The following HLTF variants were observed in gnomAD, a reference collection of about 807,000 sequenced individuals.
HLTF encodes the protein helicase like transcription factor.
A neutral mutation model predicts 129.4 loss-of-function variants in HLTF; 127 were observed. The observed-to-expected ratio is 0.98, with a 90% CI of 0.85 to 1.14. The LOEUF (loss-of-function observed/expected upper bound fraction) is 1.14, where lower values mean the gene tolerates loss of function less well. Ranked by LOEUF, HLTF falls within the 50% of genes most tolerant of loss-of-function variation. HLTF has a pLI of 0.00. For missense variants in HLTF, 1,139 were observed against 1,187.1 expected (o/e 0.96, Z 0.60); for synonymous variants, 332 against 388.8 (o/e 0.85, Z 1.72).
intron 2 of HLTF, among the ~76,000 whole-genome samples, chr3:149,082,941 C>T (rs1318771487): frequency 1.3e-5 from 2 of 152,130 alleles, no homozygotes; most frequent in Non-Finnish European, 2.9e-5. Context: ...GATTTAATGC[C>T]TTTTTAGCCA....
At chr3:149,041,420 TC>T in intron 20 of HLTF, 69 bp downstream of exon 20, 1 of 981,384 alleles carries the variant, frequency 1.0e-6, no homozygotes, top group Non-Finnish European at 1.4e-6. Flanking sequence ...CCATATACTA[TC>T]TTTTATTATA....
At chr3:149,046,021 G>A (rs1307169081) in intron 18 of HLTF, 59 bp downstream of exon 18, 1 of 1,232,058 alleles carries the variant, frequency 8.1e-7, no homozygotes, top group African/African-American at 1.5e-5. Flanking sequence ...ATGTCATTCA[G>A]TGAATGGGAA....
chr3:149,082,706 T>C (rs1399970452), intron 2 of HLTF, among the ~76,000 whole-genome samples: 1 of 152,048 alleles, frequency 6.6e-6, no homozygotes, highest in Non-Finnish European at 1.5e-5. Context: ...ATAACAAGTA[T>C]GCAAAGATAG....
intron 23 of HLTF, among the ~76,000 whole-genome samples, chr3:149,035,717 AT>A (rs1011416449): frequency 6.0e-5 from 9 of 149,596 alleles, no homozygotes; most frequent in Admixed American, 4.7e-4. Context: ...CCTAAAAATT[AT>A]TTTTTTGTTG....
At chr3:149,046,410 G>A in intron 17 of HLTF, 151 bp from the exon 18 acceptor site, 2 of 508,782 alleles carry the variant, frequency 3.9e-6, no homozygotes, top group Non-Finnish European at 6.7e-6. Context: ...TAACCAATCT[G>A]ATAATCACAG....
At chr3:149,041,920 G>A in intron 19 of HLTF, 1 of 575,896 alleles carries the variant, frequency 1.7e-6, no homozygotes, top group South Asian at 2.3e-5. Flanking sequence ...ACAATAAAAG[G>A]CAGATCCAAT....
chr3:149,078,144 GA>G (rs1719544770), intron 2 of HLTF, among the ~76,000 whole-genome samples: 1 of 152,186 alleles, frequency 6.6e-6, no homozygotes, highest in East Asian at 1.9e-4. Flanking sequence ...AAAAAAATAA[GA>G]AAGTATGGTC....
chr3:149,036,448 C>T (rs1715640073), intron 23 of HLTF, among the ~76,000 whole-genome samples: 1 of 151,732 alleles, frequency 6.6e-6, no homozygotes, highest in African/African-American at 2.4e-5. Flanking sequence ...GCCACCATGC[C>T]CCGCTAATTT....
Position 149,064,732 on chromosome 3 carries a change from C to A in HLTF, c.1066+59G>T. Reference sequence around the variant, plus strand: ...AAAAAACGCAAATCAAATATTGGGTCATATTCAAATTAAAGTTTACCAGAT... The same window carrying A: ...AAAAAACGCAAATCAAATATTGGGTAATATTCAAATTAAAGTTTACCAGAT... On this transcript the variant is annotated intron_variant, in intron 9 of 24. Coordinates refer to ENST00000310053, the MANE Select transcript of HLTF (RefSeq NM_003071.4). 3 of 1,030,096 alleles carry A rather than the reference C, an allele frequency of 2.9e-6. No individual in the cohort carries two copies. In the South Asian group the frequency reaches 3.9e-5, roughly 13 times the overall value. 63.8% of individuals were successfully genotyped at this position (1,030,096 alleles called of 1,614,324 possible).
At position 149,039,623 on chromosome 3, in the gene HLTF, G is replaced by A. The variant is rs1162627848; in HGVS notation, c.2573C>T (p.Ser858Phe). 6.2e-7 allele frequency: 1 copy of A among 1,606,090 alleles called. No individual in the cohort carries two copies. Among genetic ancestry groups the A allele is most frequent in the Admixed American group, 1.7e-5 (1 of 58,984 alleles). Residue 858 changes from serine (S) to phenylalanine (F), a missense_variant, in exon 22 of 25, where the codon TCT becomes TTT. Coordinates refer to ENST00000310053, the MANE Select transcript of HLTF (RefSeq NM_003071.4). ...KNPNIKSLVV[S>F]QFTTFLSLIE... ...TAAAGACAGGAATGTTGTAAACTGAGAAACAACCAAACTTTTTATGTTGGG... is the reference window on the plus strand; with the variant it reads ...TAAAGACAGGAATGTTGTAAACTGAAAAACAACCAAACTTTTTATGTTGGG...
chr3:149,045,944 A>G, intron 18 of HLTF, 136 bp downstream of exon 18: 1 of 585,352 alleles, frequency 1.7e-6, no homozygotes, highest in Non-Finnish European at 2.9e-6. Context: ...TTTGTAAAAA[A>G]CACTGTAATT....
chr3:149,045,587 T>C (rs1345223573), intron 18 of HLTF, among the ~76,000 whole-genome samples: 3 of 152,220 alleles, frequency 2.0e-5, no homozygotes, highest in Non-Finnish European at 4.4e-5. Context: ...CTATCAAACC[T>C]GCTTTGTACC....
chr3:149,058,507 G>A (rs1237723430), intron 13 of HLTF, among the ~76,000 whole-genome samples: 1 of 152,078 alleles, frequency 6.6e-6, no homozygotes, highest in Non-Finnish European at 1.5e-5. Flanking sequence ...CCAATTGTTT[G>A]GAAAGTTCTT....
intron 2 of HLTF, among the ~76,000 whole-genome samples, chr3:149,082,483 A>T (rs1719957608): frequency 6.6e-6 from 1 of 152,150 alleles, no homozygotes; most frequent in Non-Finnish European, 1.5e-5. Flanking sequence ...AAAAGAAAAG[A>T]AATGAGACTC....
chr3:149,037,399 T>TG (rs1715735093), intron 23 of HLTF, among the ~76,000 whole-genome samples: 1 of 142,012 alleles, frequency 7.0e-6, no homozygotes, highest in African/African-American at 2.6e-5. Flanking sequence ...ACCCAGGAGG[T>TG]GGAGGTTGCA....
At chr3:149,068,881 T>C (rs1383275310) in intron 7 of HLTF, among the ~76,000 whole-genome samples, 1 of 152,232 alleles carries the variant, frequency 6.6e-6, no homozygotes, top group African/African-American at 2.4e-5. Flanking sequence ...AGTAAATCTC[T>C]GGCAATTTTA....
intron 20 of HLTF, among the ~76,000 whole-genome samples, chr3:149,040,449 A>G (rs1325595679): frequency 1.3e-5 from 2 of 151,958 alleles, no homozygotes; most frequent in African/African-American, 2.4e-5. Flanking sequence ...AAAAAAATCT[A>G]TGAATAACAA....
intron 12 of HLTF, 102 bp downstream of exon 12, chr3:149,060,541 A>C: frequency 3.4e-6 from 3 of 879,202 alleles, no homozygotes; most frequent in Non-Finnish European, 5.4e-6. Flanking sequence ...GCCAAGTTTA[A>C]GAGCTATTAC....
intron 14 of HLTF, chr3:149,052,148 T>TTA (rs1337977702): frequency 2.5e-4 from 16 of 63,054 alleles, no homozygotes; most frequent in Non-Finnish European, 5.1e-4. Flanking sequence ...AGCAAGACTG[T>TTA]AAAAAAAAAA....
Sources: allele counts gnomAD v4.1 joint callset (sites outside exome capture counted in the v4.1 genomes callset), GRCh38; gene constraint gnomAD v4.1.1; transcripts MANE v1.5; gene names NCBI Gene and HGNC (gene_info 2026-07-23, HGNC 2026-07-21).